ACAT2: variants seen among roughly 807,000 people sequenced by gnomAD.
ACAT2 encodes the protein acetyl-CoA acetyltransferase 2, also known as acetyl-CoA acetyltransferase, cytosolic.
ACAT2 carries 26 observed loss-of-function variants against 37.1 expected under a neutral mutation model. That is an observed-to-expected ratio of 0.70 (90% CI 0.51 to 0.97). The LOEUF is 0.97. ACAT2 is among the 50% of genes least tolerant of loss of function. ACAT2 has a pLI of 0.00. For missense variants in ACAT2, 468 were observed against 489.0 expected, an observed-to-expected ratio of 0.96 and a Z score of 0.40; for synonymous variants, 156 against 163.6, an observed-to-expected ratio of 0.95 and a Z score of 0.35.
In ACAT2 at chr6:159,768,647, A is replaced by T. The variant is rs1424975265; in HGVS notation, c.490+19A>T. ...ATTACAGGTAAGGCAGACATGGCTG[A>T]AACTGTATTAGCTTTAAAAAGGTTA... On this transcript the variant is annotated intron_variant, in intron 4 of 8. Transcript: ENST00000367048. The T allele has an allele frequency of 6.5e-7, 1 of 1,540,418 alleles. No individual in the cohort carries two copies. The highest frequency in any genetic ancestry group is 1.1e-5 in the South Asian group (1 of 89,608).
Position 159,763,001 on chromosome 6 carries a change from T to C in ACAT2, c.138T>C (p.Thr46=), listed in dbSNP as rs373630601. The change falls in exon 2 of 9, where the codon ACT becomes ACC. Residue 46 remains threonine, a synonymous_variant. Coordinates refer to ENST00000367048, the MANE Select transcript of ACAT2 (RefSeq NM_005891.3). ...TCAAAGAAGTCTTGAAGAGGGCCAC[T>C]GTGGCTCCGGAAGATGTGTCTGAGG... ...TVIKEVLKRA[T]VAPEDVSEVI... The C allele has an allele frequency of 2.3e-5, 37 of 1,614,184 alleles. No individual in the cohort carries two copies. The African/African-American group carries it at 4.7e-4, about 20-fold the overall frequency.
Position 159,762,057 on chromosome 6 carries a change from G to T in ACAT2, c.-31G>T, listed in dbSNP as rs1415711514. The T allele has an allele frequency of 1.9e-6, 3 of 1,611,196 alleles. No homozygotes were observed. Among genetic ancestry groups the T allele is most frequent in the East Asian group, 2.2e-5 (1 of 44,764 alleles). ...AGGAGCTTTGCCTAGCTTGCAGGCA[G>T]CGCAGGGCAGACGGCGGCAGGAGAA... On this transcript the variant is annotated 5_prime_UTR_variant, in exon 1 of 9. Transcript: ENST00000367048.
chr6:159,769,307 C>A (rs936097657), intron 4 of ACAT2, among the ~76,000 whole-genome samples: 4 of 152,204 alleles, frequency 2.6e-5, no homozygotes, highest in Non-Finnish European at 5.9e-5. Context: ...ATCTTGACCA[C>A]TTCTCGACTT....
chr6:159,770,604 G>A (rs1283995610), intron 4 of ACAT2, among the ~76,000 whole-genome samples: 1 of 151,986 alleles, frequency 6.6e-6, no homozygotes, highest in Admixed American at 6.6e-5. Context: ...TTGAGGCTGG[G>A]GGTTTGAGAC....
Position 159,778,966 on chromosome 6 carries a change from T to TTTAC in ACAT2, c.*140_*143dup. 6.4e-7 allele frequency: 1 copy of TTTAC among 1,559,122 alleles called. No individual in the cohort carries two copies. Among genetic ancestry groups the TTTAC allele is most frequent in the Non-Finnish European group, 8.7e-7 (1 of 1,144,424 alleles). ...AAAAACCCAAGTTTACAGCTTGTAC[T>TTTAC]TTACTTTAATGTGTAATACTCAACT... On this transcript the variant is annotated 3_prime_UTR_variant, in exon 9 of 9. Transcript: ENST00000367048.
chr6:159,762,678 G>A (rs1419367513), intron 1 of ACAT2: 1 of 1,486,766 alleles, frequency 6.7e-7, no homozygotes, highest in South Asian at 1.2e-5. Flanking sequence ...GGAAATAGAA[G>A]GGCTACAGCG....
Position 159,763,038 on chromosome 6 carries a change from C to A in ACAT2, c.175C>A (p.His59Asn). 1 of 1,611,572 alleles carries A rather than the reference C, an allele frequency of 6.2e-7. No individual in the cohort carries two copies. The highest frequency in any genetic ancestry group is 8.5e-7 in the Non-Finnish European group (1 of 1,179,154). ...AGATGTGTCTGAGGTCATCTTTGGA[C>A]ATGTCTTGGCAGCAGGTAAGTCTCA... ...PEDVSEVIFG[H>N]VLAAGCGQNP... Residue 59 changes from histidine to asparagine, a missense_variant, in exon 2 of 9, where the codon CAT (histidine) becomes AAT (asparagine). By Grantham distance (68) the His-to-Asn change is moderately conservative. Coordinates refer to ENST00000367048, the MANE Select transcript of ACAT2 (RefSeq NM_005891.3).
At chr6:159,763,958 G>A (rs1292568777) in intron 2 of ACAT2, among the ~76,000 whole-genome samples, 1 of 151,648 alleles carries the variant, frequency 6.6e-6, no homozygotes, top group Admixed American at 6.6e-5. Context: ...AAAATTAGCC[G>A]GGTGTGGTGG....
intron 2 of ACAT2, among the ~76,000 whole-genome samples, chr6:159,764,062 C>G (rs955127162): frequency 3.9e-5 from 6 of 151,974 alleles, no homozygotes; most frequent in East Asian, 3.9e-4. Context: ...GATTGTGCCA[C>G]TGCACTCCAT....
Position 159,762,912 on chromosome 6 carries a change from A to T in ACAT2, c.56-7A>T, listed in dbSNP as rs772332390. 2 of 1,609,930 alleles carry T rather than the reference A, an allele frequency of 1.2e-6. No homozygotes were observed. The highest frequency in any genetic ancestry group is 3.4e-5 in the Admixed American group (2 of 59,278). ...TGATGTCCACGCTCTCCGCCTTTCT[A>T]TTGTAGGTTCCTTCAATGGTGCCTT... On this transcript the variant is annotated splice_region_variant and splice_polypyrimidine_tract_variant and intron_variant, in intron 1 of 8. Coordinates refer to ENST00000367048, the MANE Select transcript of ACAT2 (RefSeq NM_005891.3).
chr6:159,775,962 T>C, intron 5 of ACAT2, 188 bp from the exon 6 acceptor site: 3 of 573,832 alleles, frequency 5.2e-6, no homozygotes, highest in South Asian at 4.2e-5. Flanking sequence ...AAGGACATAC[T>C]CATAAATTGT....
intron 2 of ACAT2, 75 bp downstream of exon 2, chr6:159,763,128 TCA>T: frequency 1.4e-6 from 2 of 1,403,900 alleles, no homozygotes; most frequent in Non-Finnish European, 1.9e-6. Context: ...ACACACACTC[TCA>T]CACACTCACA....
At chr6:159,778,513 G>A (rs1388059109) in intron 8 of ACAT2, 146 bp from the exon 9 acceptor site, 1 of 914,158 alleles carries the variant, frequency 1.1e-6, no homozygotes, top group East Asian at 2.7e-5. Context: ...TTTCACAAAG[G>A]TGTAAATTTA....
chr6:159,776,019 A>G (rs1780407284), intron 5 of ACAT2, 131 bp from the exon 6 acceptor site: 1 of 970,392 alleles, frequency 1.0e-6, no homozygotes, highest in African/African-American at 1.6e-5. Context: ...TGTTGTCATC[A>G]AAGTGGTCAC....
intron 1 of ACAT2, chr6:159,762,356 G>C: frequency 1.6e-6 from 2 of 1,284,216 alleles, no homozygotes; most frequent in Non-Finnish European, 2.1e-6. Flanking sequence ...TGCGCACTCC[G>C]TCCCTCGTGC....
In ACAT2 at chr6:159,778,730, CCT is replaced by C. The variant is rs1562481107; in HGVS notation, c.1096_1097del (p.Leu366ValfsTer50). The C allele has an allele frequency of 6.2e-7, 1 of 1,614,182 alleles. No individual in the cohort carries two copies. The highest frequency in any genetic ancestry group is 8.5e-7 in the Non-Finnish European group (1 of 1,180,044). On this transcript the variant is annotated frameshift_variant, in exon 9 of 9. Coordinates refer to ENST00000367048, the MANE Select transcript of ACAT2 (RefSeq NM_005891.3). LOFTEE classifies it high-confidence loss of function. The part of the protein sequence containing the change: ...GASGCRILVT[L>X]LHTLERMGRS... ...CATCTGGCTGTCGAATTCTTGTGACCCTGTTACACACACTGGAGAGAATGGGC... is the reference window on the plus strand; with the variant it reads ...CATCTGGCTGTCGAATTCTTGTGACCGTTACACACACTGGAGAGAATGGGC...
intron 8 of ACAT2, 156 bp from the exon 9 acceptor site, chr6:159,778,503 T>G (rs1780484247): frequency 1.1e-6 from 1 of 877,526 alleles, no homozygotes; most frequent in Admixed American, 3.1e-5. Flanking sequence ...AGGGATGAAT[T>G]TTCACAAAGG....
rs755569525 is a variant in ACAT2, at chr6:159,778,873, A to AT, written c.*44_*45insT. The AT allele has an allele frequency of 5.0e-6, 8 of 1,612,534 alleles. No individual in the cohort carries two copies. Among genetic ancestry groups the AT allele is most frequent in the Non-Finnish European group, 6.8e-6 (8 of 1,178,860 alleles). ...AACCTCAATTTCTTTTTAAACTAAT[A>AT]AAGTACTAGGTTGCAATATGTGAAA... is the stretch of plus-strand genomic sequence containing the variant. On this transcript the variant is annotated 3_prime_UTR_variant, in exon 9 of 9. Transcript: ENST00000367048.
intron 4 of ACAT2, among the ~76,000 whole-genome samples, chr6:159,771,961 C>T (rs912380461): frequency 1.3e-5 from 2 of 152,180 alleles, no homozygotes; most frequent in Admixed American, 6.5e-5. Flanking sequence ...CGCGGTGGCT[C>T]ACGCCTGTAA....
Sources: allele counts gnomAD v4.1 joint callset (sites outside exome capture counted in the v4.1 genomes callset), GRCh38; gene constraint gnomAD v4.1.1; transcripts MANE v1.5; gene names NCBI Gene and HGNC (gene_info 2026-07-23, HGNC 2026-07-21).